JMJD1C: variants seen among roughly 807,000 people sequenced by gnomAD.
The protein encoded by JMJD1C is jumonji domain containing 1C, also known as jumonji domain-containing protein 1C.
In JMJD1C, 31 loss-of-function variants were observed where a neutral mutation model predicts 245.3. The ratio of observed to expected loss-of-function variants is 0.13; its 90% CI spans 0.09 to 0.17. The LOEUF (loss-of-function observed/expected upper bound fraction) is 0.17, where lower values mean the gene tolerates loss of function less well. Among genes scored for constraint, JMJD1C ranks in the 10% least tolerant of loss-of-function variants. The pLI, the probability that JMJD1C is intolerant of heterozygous loss-of-function variation, is 1.00. For missense variants in JMJD1C, 2,691 were observed against 3,000.2 expected (o/e 0.90, Z 2.41); for synonymous variants, 1,057 against 1,017.4 (o/e 1.04, Z -0.74).
chr10:63,375,535 CGTGTGTGTGTGTGT>C (rs1206144769), intron 2 of JMJD1C, among the ~76,000 whole-genome samples: 6 of 147,474 alleles, frequency 4.1e-5, no homozygotes, highest in African/African-American at 1.5e-4. Context: ...AATATTTACA[CGTGTGTGTGTGTGT>C]GTGTGTGTGT....
At chr10:63,469,346 G>A (rs1372682613), upstream of JMJD1C, among the ~76,000 whole-genome samples, 2 of 152,162 alleles carry the variant, frequency 1.3e-5, no homozygotes, top group Non-Finnish European at 2.9e-5. Context: ...GTTTAGAGAA[G>A]TTTAGTAACT....
At chr10:63,477,338 T>C (rs780625811) in intron 1 of JMJD1C, among the ~76,000 whole-genome samples, 1 of 152,108 alleles carries the variant, frequency 6.6e-6, no homozygotes, top group Non-Finnish European at 1.5e-5. Flanking sequence ...TGCTATCTTA[T>C]ATTAAGTCTT....
intron 2 of JMJD1C, among the ~76,000 whole-genome samples, chr10:63,299,357 ATT>A (rs59878158): frequency 7.4e-6 from 1 of 135,796 alleles, no homozygotes; most frequent in African/African-American, 2.7e-5. Flanking sequence ...TAATTTTTCC[ATT>A]TTTTTTTTTT....
chr10:63,274,200 C>T (rs900270876), intron 2 of JMJD1C, among the ~76,000 whole-genome samples: 3 of 152,150 alleles, frequency 2.0e-5, no homozygotes, highest in Admixed American at 6.5e-5. Context: ...TTTCAATAAG[C>T]CATACTGTAA....
chr10:63,520,049 A>G (rs951130669), intron 1 of JMJD1C, among the ~76,000 whole-genome samples: 5 of 152,238 alleles, frequency 3.3e-5, no homozygotes, highest in African/African-American at 1.2e-4. Context: ...AAGTCTTGAC[A>G]TGAATTAATA....
intron 2 of JMJD1C, among the ~76,000 whole-genome samples, chr10:63,365,599 C>T (rs1394146699): frequency 1.3e-5 from 2 of 151,976 alleles, no homozygotes; most frequent in Non-Finnish European, 2.9e-5. Flanking sequence ...ATAAGCTCCA[C>T]TAGAGGAGAA....
intron 3 of JMJD1C, among the ~76,000 whole-genome samples, chr10:63,230,997 A>G (rs1196399064): frequency 6.6e-6 from 1 of 152,198 alleles, no homozygotes; most frequent in Non-Finnish European, 1.5e-5. Flanking sequence ...CAGATTTATC[A>G]TCATTGTTAA....
rs372806250 is a variant in JMJD1C, at chr10:63,208,104, A to G, written c.3565T>C (p.Leu1189=). The G allele has an allele frequency of 4.8e-5, 77 of 1,614,160 alleles. No individual in the cohort carries two copies. The African/African-American group carries it at 8.4e-4, about 18-fold the overall frequency. Residue 1189 remains leucine (L), a synonymous_variant, in exon 10 of 26, where the codon TTG becomes CTG. Transcript: ENST00000399262. ...AGTGTATTTGTAGAAGAAACTGTCA[A>G]ATGGGTAGGACTCCTACAATCATTT... is the stretch of plus-strand genomic sequence containing the variant. The part of the protein sequence containing the change: ...FRNDCRSPTH[L]TVSSTNTLRS...
intron 2 of JMJD1C, among the ~76,000 whole-genome samples, chr10:63,335,849 C>T (rs1306453089): frequency 4.0e-5 from 6 of 151,762 alleles, no homozygotes; most frequent in Non-Finnish European, 8.8e-5. Context: ...GGCTGGGCAC[C>T]GTGGCTCACG....
chr10:63,264,772 GAA>G lies in JMJD1C; in HGVS notation c.334-10_334-9del. ...AACCAGAGGTTTGAAAGTCTGCCAA[GAA>G]AAAAAAAATTTCTAATGATAATTTT... On this transcript the variant is annotated splice_polypyrimidine_tract_variant and intron_variant, in intron 2 of 25. Transcript: ENST00000399262. The G allele has an allele frequency of 2.4e-6, 3 of 1,269,750 alleles. No homozygotes were observed. Among genetic ancestry groups the G allele is most frequent in the Admixed American group, 2.2e-5 (1 of 45,754 alleles). 78.7% of individuals were successfully genotyped at this position (1,269,750 alleles called of 1,614,324 possible).
At chr10:63,212,527 A>G (rs998932180) in intron 8 of JMJD1C, among the ~76,000 whole-genome samples, 4 of 152,192 alleles carry the variant, frequency 2.6e-5, no homozygotes, top group Admixed American at 2.6e-4. Context: ...TACATGGCTC[A>G]TGAATGAACA....
At chr10:63,228,497 G>C (rs928079201) in intron 3 of JMJD1C, among the ~76,000 whole-genome samples, 11 of 151,676 alleles carry the variant, frequency 7.3e-5, no homozygotes. Flanking sequence ...CTCCACCCTG[G>C]GTGACAGAGG....
Position 63,380,277 on chromosome 10 carries a change from G to A in JMJD1C, c.333+41C>T, listed in dbSNP as rs769998292. On this transcript the variant is annotated intron_variant, in intron 2 of 25. Transcript: ENST00000399262. The stretch of plus-strand genomic sequence containing the variant: ...GTTGTTGTTGTTCTTTGTTTTAAAC[G>A]AACAAATGAAAATGCTTAATGAAAC... The A allele has an allele frequency of 9.4e-6, 15 of 1,599,410 alleles. No individual in the cohort carries two copies. In the East Asian group the frequency reaches 2.0e-4, roughly 21 times the overall value.
intron 1 of JMJD1C, among the ~76,000 whole-genome samples, chr10:63,393,068 G>T (rs960527448): frequency 4.0e-5 from 6 of 151,844 alleles, no homozygotes; most frequent in Admixed American, 1.3e-4. Flanking sequence ...GGAGTTTGAG[G>T]CCAGCCTGGG....
intron 1 of JMJD1C, among the ~76,000 whole-genome samples, chr10:63,388,899 C>G (rs932405838): frequency 3.3e-5 from 5 of 151,996 alleles, no homozygotes; most frequent in Non-Finnish European, 5.9e-5. Context: ...ATTAAACAGT[C>G]AAAAGCAGTA....
At chr10:63,477,353 T>C (rs988880501) in intron 1 of JMJD1C, among the ~76,000 whole-genome samples, 2 of 151,564 alleles carry the variant, frequency 1.3e-5, no homozygotes, top group South Asian at 2.1e-4. Context: ...AGTCTTACTA[T>C]ATAGCTGCAG....
chr10:63,311,981 T>C (rs1939268681), intron 2 of JMJD1C, among the ~76,000 whole-genome samples: 1 of 152,128 alleles, frequency 6.6e-6, no homozygotes, highest in Non-Finnish European at 1.5e-5. Flanking sequence ...TTATATAAAG[T>C]TATGTACCTG....
intron 2 of JMJD1C, among the ~76,000 whole-genome samples, chr10:63,331,070 G>T (rs1162304565): frequency 1.3e-5 from 2 of 152,096 alleles, no homozygotes; most frequent in African/African-American, 2.4e-5. Context: ...GTAATAATTT[G>T]TTTTCTAAAA....
intron 2 of JMJD1C, among the ~76,000 whole-genome samples, chr10:63,344,946 C>T (rs905992387): frequency 6.6e-6 from 1 of 152,140 alleles, no homozygotes; most frequent in Non-Finnish European, 1.5e-5. Flanking sequence ...CATAGTACAG[C>T]TACTCTGGAA....
Sources: allele counts gnomAD v4.1 joint callset (sites outside exome capture counted in the v4.1 genomes callset), GRCh38; gene constraint gnomAD v4.1.1; transcripts MANE v1.5; gene names NCBI Gene and HGNC (gene_info 2026-07-23, HGNC 2026-07-21).